The following STAG1 variants were observed in gnomAD, a reference collection of about 807,000 sequenced individuals.
STAG1 encodes STAG1 cohesin complex component.
Under a neutral mutation model 170.9 loss-of-function variants are expected in STAG1, and 26 were observed. The observed-to-expected ratio is 0.15, with a 90% CI of 0.11 to 0.21. The LOEUF (loss-of-function observed/expected upper bound fraction) is 0.21. STAG1 is among the 10% of genes least tolerant of loss of function. The pLI, the probability that STAG1 is intolerant of heterozygous loss-of-function variation, is 1.00. For missense variants in STAG1, 964 were observed against 1,509.5 expected (o/e 0.64, Z 5.99); for synonymous variants, 514 against 497.7 (o/e 1.03, Z -0.44).
intron 2 of STAG1, among the ~76,000 whole-genome samples, chr3:136,630,388 G>T (rs1051383270): frequency 1.3e-5 from 2 of 151,842 alleles, no homozygotes; most frequent in African/African-American, 4.8e-5. Context: ...GCAGGGAGGG[G>T]GGGTAGAGAA....
intron 6 of STAG1, among the ~76,000 whole-genome samples, chr3:136,541,779 CATTTAATG>C (rs1935917363): frequency 6.6e-6 from 1 of 152,122 alleles, no homozygotes; most frequent in African/African-American, 2.4e-5. Context: ...CCCCTTAAAG[CATTTAATG>C]CAACTAGCAT....
intron 13 of STAG1, among the ~76,000 whole-genome samples, chr3:136,464,354 C>T (rs2089386103): frequency 6.6e-6 from 1 of 151,132 alleles, no homozygotes; most frequent in African/African-American, 2.4e-5. Context: ...ACCTGGGAGG[C>T]AGAAGTTGTG....
intron 9 of STAG1, among the ~76,000 whole-genome samples, chr3:136,484,770 T>C (rs1457711811): frequency 6.6e-6 from 1 of 151,428 alleles, no homozygotes. Context: ...GTGTGGGATA[T>C]AGTCTCCTGG....
At chr3:136,363,111 T>C (rs1379928163) in intron 26 of STAG1, among the ~76,000 whole-genome samples, 1 of 152,166 alleles carries the variant, frequency 6.6e-6, no homozygotes, top group Non-Finnish European at 1.5e-5. Flanking sequence ...AATTTCCAGT[T>C]TGACATTTCA....
intron 13 of STAG1, among the ~76,000 whole-genome samples, chr3:136,453,392 C>A (rs2089002881): frequency 6.6e-6 from 1 of 151,976 alleles, no homozygotes; most frequent in African/African-American, 2.4e-5. Flanking sequence ...GAGATTGAGA[C>A]CATCCTGGCT....
intron 1 of STAG1, among the ~76,000 whole-genome samples, chr3:136,741,274 A>C (rs1576837378): frequency 1.3e-5 from 2 of 152,352 alleles, no homozygotes; most frequent in Admixed American, 1.3e-4. Context: ...CTGTCTGGCT[A>C]CTGACACAGT....
In STAG1 at chr3:136,707,033, G is replaced by A. The variant is rs181539176; in HGVS notation, c.-84+45162C>T. 1.3e-3 allele frequency among the ~76,000 whole-genome samples: 193 copies of A among 152,146 alleles called. 4 individuals carry two copies. The highest frequency in any genetic ancestry group is 0.011 in the Admixed American group (168 of 15,252). On this transcript the variant is annotated intron_variant, in intron 1 of 33. Transcript: ENST00000383202. Reference sequence around the variant, plus strand: ...GAATGAAGTTGGACCCTTACCTCACGCCATACTAAAAATTAAATCAAAATG... The same window carrying A: ...GAATGAAGTTGGACCCTTACCTCACACCATACTAAAAATTAAATCAAAATG...
chr3:136,741,569 A>C (rs1934672096), intron 1 of STAG1, among the ~76,000 whole-genome samples: 1 of 152,142 alleles, frequency 6.6e-6, no homozygotes, highest in East Asian at 1.9e-4. Flanking sequence ...CCCGGGTTCA[A>C]GCGATTCTCC....
At chr3:136,430,627 A>T (rs1475474895) in intron 16 of STAG1, among the ~76,000 whole-genome samples, 1 of 17,100 alleles carries the variant, frequency 5.8e-5, no homozygotes, top group Non-Finnish European at 1.2e-4. Flanking sequence ...TGAAGAGCTT[A>T]AAAAAAAAAA....
chr3:136,669,398 G>A (rs1941912404), intron 1 of STAG1, among the ~76,000 whole-genome samples: 1 of 152,080 alleles, frequency 6.6e-6, no homozygotes, highest in African/African-American at 2.4e-5. Flanking sequence ...CTGTCACCCA[G>A]GCTAGACCGT....
chr3:136,422,731 C>T (rs781033260), intron 18 of STAG1, 37 bp downstream of exon 18: 1 of 1,540,774 alleles, frequency 6.5e-7, no homozygotes, highest in South Asian at 1.2e-5. Flanking sequence ...GTTAATAAAA[C>T]TATAACAGCT....
chr3:136,343,986 A>G lies in STAG1; in HGVS notation c.3292T>C (p.Trp1098Arg), dbSNP rs1326581908. 1 of 1,595,588 alleles carries G rather than the reference A, an allele frequency of 6.3e-7. No individual in the cohort carries two copies. The highest frequency in any genetic ancestry group is 1.4e-5 in the African/African-American group (1 of 73,956). Residue 1098 changes from tryptophan (W) to arginine (R), a missense_variant, in exon 30 of 34, where the codon TGG (tryptophan) becomes CGG (arginine). Coordinates refer to ENST00000383202, the MANE Select transcript of STAG1 (RefSeq NM_005862.3). ...ATCATGGTGTCAGTCCTGTTTAGCC[A>G]TGTGTTATCCAGACTCTCATCTGTA... ...RVEDESLDNTWLNRTDTMIQT... is the reference protein window; with the variant it reads ...RVEDESLDNTRLNRTDTMIQT...
At chr3:136,701,574 C>A (rs1288309224) in intron 1 of STAG1, among the ~76,000 whole-genome samples, 2 of 152,160 alleles carry the variant, frequency 1.3e-5, no homozygotes, top group African/African-American at 2.4e-5. Context: ...TGCCACTTAA[C>A]AGCCGGTATG....
rs576757709 is a variant in STAG1, at chr3:136,474,764, C to A, written c.1027-1127G>T. Among the ~76,000 whole-genome samples the A allele has an allele frequency of 1.4e-4, 22 of 152,326 alleles. 1 individual carries two copies. The South Asian group carries it at 4.6e-3, about 32-fold the overall frequency. ...GGTGCTGCTGATGCCCTACCCAGGT[C>A]CCCTTTACTGGGCTAATTCTTCAGT... On this transcript the variant is annotated intron_variant, in intron 10 of 33. Coordinates refer to ENST00000383202, the MANE Select transcript of STAG1 (RefSeq NM_005862.3).
At chr3:136,604,511 T>A (rs1938838375) in intron 3 of STAG1, 38 bp from the exon 4 acceptor site, 1 of 1,529,324 alleles carries the variant, frequency 6.5e-7, no homozygotes, top group Non-Finnish European at 8.8e-7. Context: ...TTCGATTAGG[T>A]TTACTTTGCT....
chr3:136,628,138 G>C (rs1940186004), intron 2 of STAG1, among the ~76,000 whole-genome samples: 1 of 152,068 alleles, frequency 6.6e-6, no homozygotes, highest in Admixed American at 6.6e-5. Flanking sequence ...GTGATAGTGA[G>C]TTCTCACGAG....
At chr3:136,574,867 C>T (rs1937398809) in intron 4 of STAG1, among the ~76,000 whole-genome samples, 1 of 152,164 alleles carries the variant, frequency 6.6e-6, no homozygotes, top group South Asian at 2.1e-4. Context: ...ACAGAATACA[C>T]ATTCTTTTCA....
chr3:136,517,460 T>C (rs1934437763), intron 7 of STAG1, among the ~76,000 whole-genome samples: 1 of 152,064 alleles, frequency 6.6e-6, no homozygotes, highest in Admixed American at 6.6e-5. Context: ...CTAACAAAAA[T>C]TTGAAGTCAA....
At chr3:136,394,509 G>A (rs919757565) in intron 22 of STAG1, among the ~76,000 whole-genome samples, 2 of 152,002 alleles carry the variant, frequency 1.3e-5, no homozygotes, top group Non-Finnish European at 2.9e-5. Flanking sequence ...AAATCAGTGG[G>A]TCACACCTGT....
Sources: gnomAD v4.1 joint callset for allele counts (sites outside exome capture counted in the v4.1 genomes callset) on GRCh38, gnomAD v4.1.1 for gene constraint, MANE v1.5 for transcripts, NCBI Gene and HGNC (gene_info 2026-07-23, HGNC 2026-07-21) for gene names.